The following MARCHF11 variants were observed in gnomAD, a reference collection of about 807,000 sequenced individuals.
MARCHF11 encodes membrane associated ring-CH-type finger 11, also known as E3 ubiquitin-protein ligase MARCHF11.
In MARCHF11, 29 loss-of-function variants were observed where a neutral mutation model predicts 37.3. That is an observed-to-expected ratio of 0.78 (90% CI 0.58 to 1.06). The LOEUF (loss-of-function observed/expected upper bound fraction) is 1.06, where lower values mean the gene tolerates loss of function less well. Among genes scored for constraint, MARCHF11 ranks in the 50% least tolerant of loss-of-function variants. The pLI is 0.00. For missense variants in MARCHF11, 482 were observed against 533.4 expected (o/e 0.90, Z 0.95); for synonymous variants, 233 against 228.0 (o/e 1.02, Z -0.20).
intron 2 of MARCHF11, among the ~76,000 whole-genome samples, chr5:16,107,847 G>T (rs1737069820): frequency 6.6e-6 from 1 of 150,756 alleles, no homozygotes; most frequent in Non-Finnish European, 1.5e-5. Flanking sequence ...GCTGGGGGTG[G>T]TCAGAGAGGA....
intron 2 of MARCHF11, among the ~76,000 whole-genome samples, chr5:16,138,261 C>T (rs541943679): frequency 4.6e-5 from 7 of 152,264 alleles, no homozygotes; most frequent in African/African-American, 9.6e-5. Context: ...TGAGACTTGG[C>T]GCCCTGCATC....
Position 16,137,452 on chromosome 5 carries a change from G to C in MARCHF11, c.693+40274C>G, listed in dbSNP as rs565009082. Among the ~76,000 whole-genome samples the C allele has an allele frequency of 1.4e-4, 21 of 152,296 alleles. No individual in the cohort carries two copies. In the South Asian group the frequency reaches 4.4e-3, roughly 32 times the overall value. ...ATTATGCAGCCTCCCCTGCCATGTG[G>C]AACTGTGAGTCCATTAAACCTCTTT... is the stretch of plus-strand genomic sequence containing the variant. On this transcript the variant is annotated intron_variant, in intron 2 of 3. Coordinates refer to ENST00000332432, the MANE Select transcript of MARCHF11 (RefSeq NM_001102562.3).
intron 2 of MARCHF11, among the ~76,000 whole-genome samples, chr5:16,119,045 C>T (rs1737266698): frequency 6.6e-6 from 1 of 152,026 alleles, no homozygotes; most frequent in Non-Finnish European, 1.5e-5. Context: ...TGGAAATAAT[C>T]CAATAGCGAG....
intron 2 of MARCHF11, among the ~76,000 whole-genome samples, chr5:16,109,305 T>C (rs796544487): frequency 3.4e-4 from 52 of 152,266 alleles, no homozygotes; most frequent in African/African-American, 1.2e-3. Context: ...ACAGGGCTAA[T>C]GTTTTTAGCC....
At chr5:16,148,182 T>C (rs940064478) in intron 2 of MARCHF11, among the ~76,000 whole-genome samples, 8 of 152,102 alleles carry the variant, frequency 5.3e-5, no homozygotes, top group Middle Eastern at 3.2e-3. Flanking sequence ...GAATTAAGTA[T>C]ACAAACTGCT....
intron 2 of MARCHF11, among the ~76,000 whole-genome samples, chr5:16,160,146 T>A (rs1390815970): frequency 6.6e-6 from 1 of 150,742 alleles, no homozygotes; most frequent in Non-Finnish European, 1.5e-5. Flanking sequence ...CTCTAAAGAA[T>A]TTTTTCTTAG....
chr5:16,144,371 C>G (rs1260094565), intron 2 of MARCHF11, among the ~76,000 whole-genome samples: 1 of 152,170 alleles, frequency 6.6e-6, no homozygotes, highest in Non-Finnish European at 1.5e-5. Context: ...TGCACACTCT[C>G]CCGGTGTGTT....
chr5:16,116,424 A>G (rs1019564942), intron 2 of MARCHF11, among the ~76,000 whole-genome samples: 2 of 152,168 alleles, frequency 1.3e-5, no homozygotes, highest in Admixed American at 1.3e-4. Flanking sequence ...AATTTCATCA[A>G]ACAACTCTGA....
intron 2 of MARCHF11, among the ~76,000 whole-genome samples, chr5:16,172,644 T>C (rs1428920119): frequency 6.6e-6 from 1 of 152,226 alleles, no homozygotes; most frequent in South Asian, 2.1e-4. Context: ...GTTTTCTTGA[T>C]ACATTTTCAA....
intron 2 of MARCHF11, among the ~76,000 whole-genome samples, chr5:16,171,398 T>C (rs344707): frequency 0.5 from 75,162 of 151,824 alleles, 19,795 homozygotes; most frequent in Middle Eastern, 0.58. Flanking sequence ...AAAACCTAAG[T>C]CCAAATCAAT....
intron 2 of MARCHF11, among the ~76,000 whole-genome samples, chr5:16,098,489 G>C (rs760363358): frequency 6.6e-6 from 1 of 152,178 alleles, no homozygotes; most frequent in Non-Finnish European, 1.5e-5. Context: ...ATAACAGGCA[G>C]AGTGTGGTGG....
rs369632646 is a variant in MARCHF11, at chr5:16,169,837, G to A, written c.693+7889C>T. Among the ~76,000 whole-genome samples, 5 of 152,136 alleles carry A rather than the reference G, an allele frequency of 3.3e-5. No individual in the cohort carries two copies. In the East Asian group the frequency reaches 5.8e-4, roughly 18 times the overall value. On this transcript the variant is annotated intron_variant, in intron 2 of 3. Transcript: ENST00000332432. Reference sequence around the variant, plus strand: ...CCATTCCCTGCTATTCTGAAGGGTCGGAAGTACTCTCATTTTGCCCTCAGA... The same window carrying A: ...CCATTCCCTGCTATTCTGAAGGGTCAGAAGTACTCTCATTTTGCCCTCAGA...
At chr5:16,129,236 G>A (rs1737472887) in intron 2 of MARCHF11, 1 of 152,112 alleles carries the variant, frequency 6.6e-6, no homozygotes. Flanking sequence ...TTCATCTCTG[G>A]AGTCGGGTGT....
chr5:16,126,412 A>C (rs908225203), intron 2 of MARCHF11, among the ~76,000 whole-genome samples: 1 of 152,244 alleles, frequency 6.6e-6, no homozygotes, highest in Non-Finnish European at 1.5e-5. Flanking sequence ...ACTAATTTTT[A>C]ATTTTTAACA....
intron 2 of MARCHF11, among the ~76,000 whole-genome samples, chr5:16,160,086 T>A (rs911397371): frequency 2.0e-5 from 3 of 151,592 alleles, no homozygotes; most frequent in African/African-American, 7.3e-5. Flanking sequence ...ACTTCCCCTA[T>A]AACTGGCCAG....
chr5:16,081,865 C>T (rs1208328148), intron 3 of MARCHF11, among the ~76,000 whole-genome samples: 1 of 152,154 alleles, frequency 6.6e-6, no homozygotes, highest in Non-Finnish European at 1.5e-5. Flanking sequence ...GGTTAACTAG[C>T]CTTGAGAGGC....
rs1178332818 is a variant in MARCHF11 at position 16,150,548 on chromosome 5, G to A, written c.693+27178C>T. Among the ~76,000 whole-genome samples, 4 of 149,200 alleles carry A rather than the reference G, an allele frequency of 2.7e-5. 1 individual carries two copies. The East Asian group carries it at 7.7e-4, about 29-fold the overall frequency. On this transcript the variant is annotated intron_variant, in intron 2 of 3. Coordinates refer to ENST00000332432, the MANE Select transcript of MARCHF11 (RefSeq NM_001102562.3). Reference sequence around the variant, plus strand: ...CTCATTACCTGTTAGTGAGTTGGAGGTGGCCTTTTGTAACAGTGTAATGGT... The same window carrying A: ...CTCATTACCTGTTAGTGAGTTGGAGATGGCCTTTTGTAACAGTGTAATGGT...
chr5:16,131,437 A>G (rs1737512792), intron 2 of MARCHF11, among the ~76,000 whole-genome samples: 1 of 152,252 alleles, frequency 6.6e-6, no homozygotes, highest in Non-Finnish European at 1.5e-5. Flanking sequence ...GTGTAATTAT[A>G]CTAAAAGAAG....
chr5:16,107,195 TA>T (rs1737058594), intron 2 of MARCHF11, among the ~76,000 whole-genome samples: 2 of 152,234 alleles, frequency 1.3e-5, no homozygotes, highest in African/African-American at 4.8e-5. Flanking sequence ...TAAGCAACTT[TA>T]CTTAGGACCA....
Sources: allele counts gnomAD v4.1 joint callset (sites outside exome capture counted in the v4.1 genomes callset), GRCh38; gene constraint gnomAD v4.1.1; transcripts MANE v1.5; gene names NCBI Gene and HGNC (gene_info 2026-07-23, HGNC 2026-07-21).